The following NOL4L variants were observed in gnomAD, a reference collection of about 807,000 sequenced individuals.
NOL4L encodes the protein nucleolar protein 4 like, also known as nucleolar protein 4-like.
Under a neutral mutation model 64.5 loss-of-function variants are expected in NOL4L, and 7 were observed. The observed-to-expected ratio is 0.11, with a 90% confidence interval of 0.06 to 0.20. The LOEUF is 0.20. NOL4L is among the 10% of genes least tolerant of loss of function. NOL4L has a pLI of 1.00. For synonymous variants in NOL4L, 413 were observed against 401.0 expected (o/e 1.03, Z -0.36); for missense variants, 680 against 967.1 (o/e 0.70, Z 3.94).
chr20:32,506,709 G>A (rs1484718081), intron 4 of NOL4L, among the ~76,000 whole-genome samples: 2 of 152,150 alleles, frequency 1.3e-5, no homozygotes, highest in African/African-American at 2.4e-5. Flanking sequence ...CCTGGCACTA[G>A]CCCCTTCTGT....
At chr20:32,577,130 T>C (rs904689047) in intron 1 of NOL4L, among the ~76,000 whole-genome samples, 2 of 152,138 alleles carry the variant, frequency 1.3e-5, no homozygotes, top group African/African-American at 2.4e-5. Flanking sequence ...AATGGAATAA[T>C]GTATCTGGCA....
chr20:32,544,202 G>T (rs1600861481), intron 1 of NOL4L, among the ~76,000 whole-genome samples: 1 of 152,068 alleles, frequency 6.6e-6, no homozygotes, highest in African/African-American at 2.4e-5. Flanking sequence ...GAGAGGCAGG[G>T]AAGCCATGGG....
Position 32,456,288 on chromosome 20 carries a change from C to T in NOL4L, c.949G>A (p.Gly317Ser), listed in dbSNP as rs763990763. 1.3e-5 allele frequency: 20 copies of T among 1,584,772 alleles called. No homozygotes were observed. Among genetic ancestry groups the T allele is most frequent in the South Asian group, 3.4e-5 (3 of 87,818 alleles). The change falls in exon 6 of 11, where the codon GGC (glycine) becomes AGC (serine). Residue 317 changes from glycine to serine, a missense_variant. Around this residue, in one of 4 missense-constraint regions of NOL4L, gnomAD observed 254 missense variants for 238.7 expected, o/e 1.06. Coordinates refer to ENST00000621426, the MANE Select transcript of NOL4L (RefSeq NM_001256798.2). ...DPAFPEMNGN[G>S]AVAPMDFTTA... ...GTGAAGTCCATGGGGGCCACGGCGC[C>T]GTTGCCATTCATCTCGGGGAAGGCA...
intron 5 of NOL4L, among the ~76,000 whole-genome samples, chr20:32,465,784 C>T (rs550782479): frequency 6.6e-6 from 1 of 152,238 alleles, no homozygotes; most frequent in Non-Finnish European, 1.5e-5. Flanking sequence ...CCAACGCGGC[C>T]TGGTCACTTC....
chr20:32,475,014 G>A, intron 4 of NOL4L: 1 of 985,444 alleles, frequency 1.0e-6, no homozygotes, highest in Non-Finnish European at 1.2e-6. Context: ...AGGGGCGGAT[G>A]GCAGGGCCTG....
rs145228394 is a variant in NOL4L at position 32,461,895 on chromosome 20, T to C, written c.842-5500A>G. On this transcript the variant is annotated intron_variant, in intron 5 of 10. Coordinates refer to ENST00000621426, the MANE Select transcript of NOL4L (RefSeq NM_001256798.2). ...TAGAGACCCAGAGTTGGTGCAGCTG[T>C]ATTGGGTGGGCCTGGATGGCTCCTG... Among the ~76,000 whole-genome samples, 759 of 151,944 alleles carry C rather than the reference T, an allele frequency of 5.0e-3. 3 individuals are homozygous for C. The highest frequency in any genetic ancestry group is 0.034 in the Middle Eastern group (10 of 294).
chr20:32,467,423 G>A (rs34310097), intron 5 of NOL4L, among the ~76,000 whole-genome samples: 45,464 of 151,922 alleles, frequency 0.3, 7,747 homozygotes, highest in East Asian at 0.64. Context: ...CCCCTAGCCC[G>A]GCTCCCTTTA....
chr20:32,523,525 G>C (rs1208862063), intron 2 of NOL4L, among the ~76,000 whole-genome samples: 4 of 152,214 alleles, frequency 2.6e-5, no homozygotes. Context: ...AGAATGAGTC[G>C]AAACCAGGAG....
At position 32,464,731 on chromosome 20, in the gene NOL4L, G is replaced by C; in HGVS notation, c.842-8336C>G. The C allele has an allele frequency of 6.6e-6, 2 of 304,570 alleles. No individual in the cohort carries two copies. The highest frequency in any genetic ancestry group is 1.2e-5 in the Non-Finnish European group (2 of 166,996). 18.9% of individuals were successfully genotyped at this position (304,570 alleles called of 1,614,324 possible). On this transcript the variant is annotated intron_variant, in intron 5 of 10. Coordinates refer to ENST00000621426, the MANE Select transcript of NOL4L (RefSeq NM_001256798.2). This position sits in a 1 kb window ranked among gnomAD's most constrained non-coding sequence, Gnocchi z 5.6. Reference sequence around the variant, plus strand: ...AGAGTGGGAGCCGCATGAGGGATTTGAGTGCCCTAGTACCCACATTTTAAA... The same window carrying C: ...AGAGTGGGAGCCGCATGAGGGATTTCAGTGCCCTAGTACCCACATTTTAAA...
intron 2 of NOL4L, among the ~76,000 whole-genome samples, chr20:32,522,083 T>A (rs2017962148): frequency 6.6e-6 from 1 of 152,018 alleles, no homozygotes; most frequent in East Asian, 1.9e-4. Context: ...AGAGGTGGGC[T>A]AGGGCGGGGC....
At chr20:32,548,638 A>G in intron 1 of NOL4L, 1 of 298,922 alleles carries the variant, frequency 3.3e-6, no homozygotes, top group Non-Finnish European at 6.7e-6. Flanking sequence ...TCTAGACATT[A>G]TTGCCGGGAG....
intron 1 of NOL4L, among the ~76,000 whole-genome samples, chr20:32,546,257 T>A (rs928351091): frequency 1.3e-5 from 2 of 151,116 alleles, no homozygotes; most frequent in African/African-American, 4.9e-5. Flanking sequence ...TTTTTTCCTT[T>A]TTTTGGCGAG....
intron 1 of NOL4L, among the ~76,000 whole-genome samples, chr20:32,570,156 C>A (rs1194636551): frequency 6.6e-6 from 1 of 152,104 alleles, no homozygotes; most frequent in African/African-American, 2.4e-5. Flanking sequence ...CACTCTGTTA[C>A]TAGGCAGCAC....
At chr20:32,521,031 G>A in intron 2 of NOL4L, 109 bp from the exon 3 acceptor site, 1 of 596,276 alleles carries the variant, frequency 1.7e-6, no homozygotes, top group Non-Finnish European at 2.9e-6. Flanking sequence ...CTCTTGCAAG[G>A]AAAGTCAGGG....
intron 5 of NOL4L, among the ~76,000 whole-genome samples, chr20:32,457,395 G>C (rs539114050): frequency 1.3e-5 from 2 of 152,276 alleles, no homozygotes; most frequent in South Asian, 4.1e-4. Flanking sequence ...CCCAGAGTGG[G>C]TGGGGGAGGG....
At chr20:32,527,983 G>T in intron 1 of NOL4L, 70 bp from the exon 2 acceptor site, 1 of 1,461,126 alleles carries the variant, frequency 6.8e-7, no homozygotes, top group Non-Finnish European at 9.2e-7. Flanking sequence ...CCCTGAGGCC[G>T]GGGCAAGGGG....
In NOL4L at chr20:32,584,970, G is replaced by A; in HGVS notation, c.-80C>T. ...GCCGGGACTGGGCTGGGCTGGGCTG[G>A]ACCGGGCCGGGACGCGCCGCGGCCG... is the stretch of plus-strand genomic sequence containing the variant. On this transcript the variant is annotated 5_prime_UTR_variant, in exon 1 of 11. Coordinates refer to ENST00000621426, the MANE Select transcript of NOL4L (RefSeq NM_001256798.2). 1.2e-6 allele frequency: 1 copy of A among 829,702 alleles called. No homozygotes were observed. Among genetic ancestry groups the A allele is most frequent in the Non-Finnish European group, 1.5e-6 (1 of 685,258 alleles). 51.4% of individuals were successfully genotyped at this position (829,702 alleles called of 1,614,324 possible). A position where few individuals can be genotyped will look rare whatever the true frequency, so the allele number is the denominator to read the frequency against.
At position 32,447,936 on chromosome 20, in the gene NOL4L, A is replaced by G. The variant is rs878994620; in HGVS notation, c.1823-120T>C. On this transcript the variant is annotated intron_variant, in intron 10 of 10. Coordinates refer to ENST00000621426, the MANE Select transcript of NOL4L (RefSeq NM_001256798.2). ...GTGCCCACTGTGAGTTGGGCACTGAAGTCCGTGGCTCTGGTCCATCTCCCT... is the reference window on the plus strand; with the variant it reads ...GTGCCCACTGTGAGTTGGGCACTGAGGTCCGTGGCTCTGGTCCATCTCCCT... 3.8e-6 allele frequency: 5 copies of G among 1,301,808 alleles called. No individual in the cohort carries two copies. In the South Asian group the frequency reaches 9.0e-5, roughly 23 times the overall value. The allele number at this position is 1,301,808 out of a possible 1,614,324, so 80.6% of individuals were successfully genotyped here. A position where few individuals can be genotyped will look rare whatever the true frequency, so the allele number is the denominator to read the frequency against.
At chr20:32,454,213 T>C (rs2013237180) in intron 6 of NOL4L, 1 of 176,442 alleles carries the variant, frequency 5.7e-6, no homozygotes, top group Non-Finnish European at 1.2e-5. Context: ...CAACCCCAAG[T>C]TGACAACCGA....
Sources: allele counts gnomAD v4.1 joint callset (sites outside exome capture counted in the v4.1 genomes callset), GRCh38; gene constraint gnomAD v4.1.1; regional missense constraint gnomAD v4.1.1; non-coding constraint Gnocchi (gnomAD v3.1); transcripts MANE v1.5; gene names NCBI Gene and HGNC (gene_info 2026-07-23, HGNC 2026-07-21).